Variants in PLXDC1 observed in about 807,000 individuals in gnomAD.
PLXDC1 encodes plexin domain containing 1.
In PLXDC1, 39 loss-of-function variants were observed where a neutral mutation model predicts 61.3. The ratio of observed to expected loss-of-function variants is 0.64; its 90% CI spans 0.49 to 0.83. The LOEUF (loss-of-function observed/expected upper bound fraction) is 0.83. Among genes scored for constraint, PLXDC1 ranks in the 40% least tolerant of loss-of-function variants. The pLI is 0.00. For missense variants in PLXDC1, 596 were observed against 666.5 expected (o/e 0.89, Z 1.17); for synonymous variants, 212 against 254.5 (o/e 0.83, Z 1.59).
At chr17:39,102,965 T>TTAGTAC (rs60233756) in intron 7 of PLXDC1, among the ~76,000 whole-genome samples, 3,054 of 152,186 alleles carry the variant, frequency 0.02, 90 homozygotes, top group East Asian at 0.15. Context: ...AAGAAATGCA[T>TTAGTAC]TAGTACTTTG....
chr17:39,121,121 A>T (rs753451821), intron 2 of PLXDC1, among the ~76,000 whole-genome samples: 2 of 152,112 alleles, frequency 1.3e-5, no homozygotes, highest in Non-Finnish European at 2.9e-5. Context: ...GATTACAGGC[A>T]TGAGCCACTG....
rs544032086 is a variant in PLXDC1, at chr17:39,126,413, C to A, written c.255+13241G>T. ...TTTACCATAAAGTAATTGATATAAG[C>A]AAGAGTTAAGTTCCTAGGGCATATT... On this transcript the variant is annotated intron_variant, in intron 2 of 13. Coordinates refer to ENST00000315392, the MANE Select transcript of PLXDC1 (RefSeq NM_020405.5). Among the ~76,000 whole-genome samples, 3 of 152,216 alleles carry A rather than the reference C, an allele frequency of 2.0e-5. No individual in the cohort carries two copies. In the East Asian group the frequency reaches 5.8e-4, roughly 29 times the overall value.
In PLXDC1 at chr17:39,067,504, G is replaced by T; in HGVS notation, c.*336C>A. 5.1e-6 allele frequency: 1 copy of T among 197,706 alleles called. No individual in the cohort carries two copies. The highest frequency in any genetic ancestry group is 1.5e-4 in the South Asian group (1 of 6,826). 12.2% of individuals were successfully genotyped at this position (197,706 alleles called of 1,614,324 possible). A position where few individuals can be genotyped will look rare whatever the true frequency, so the allele number is the denominator to read the frequency against. ...GTGCTCTAAAGTTATCCTAGCCTAG[G>T]TGCAGGAATAGGTAAAGGCCCCTTA... On this transcript the variant is annotated 3_prime_UTR_variant, in exon 14 of 14. Transcript: ENST00000315392.
At chr17:39,080,611 T>G (rs1431659004) in intron 9 of PLXDC1, 2 of 152,150 alleles carry the variant, frequency 1.3e-5, no homozygotes. Flanking sequence ...CCCTCCGGGT[T>G]TTTAGGGACC....
intron 1 of PLXDC1, among the ~76,000 whole-genome samples, chr17:39,143,124 C>T (rs35028130): frequency 0.022 from 3,325 of 152,176 alleles, 121 homozygotes; most frequent in African/African-American, 0.076. Flanking sequence ...GACAAAAAAG[C>T]GAAACTCCTT....
chr17:39,083,633 G>A, intron 8 of PLXDC1, 93 bp from the exon 9 acceptor site: 1 of 967,238 alleles, frequency 1.0e-6, no homozygotes, highest in Non-Finnish European at 1.6e-6. Flanking sequence ...ACAGAACTAT[G>A]GAGCCCCTGA....
At chr17:39,135,288 C>T (rs1911708367) in intron 2 of PLXDC1, among the ~76,000 whole-genome samples, 1 of 152,198 alleles carries the variant, frequency 6.6e-6, no homozygotes, top group Non-Finnish European at 1.5e-5. Context: ...TGTGTAGCTG[C>T]AGAGGGGATC....
At chr17:39,102,464 T>TA (rs1910452778) in intron 7 of PLXDC1, among the ~76,000 whole-genome samples, 1 of 151,866 alleles carries the variant, frequency 6.6e-6, no homozygotes, top group South Asian at 2.1e-4. Context: ...GAATATAGCG[T>TA]ACGGAAATAC....
intron 2 of PLXDC1, 67 bp from the exon 3 acceptor site, chr17:39,109,458 C>G: frequency 2.6e-6 from 4 of 1,519,750 alleles, no homozygotes; most frequent in Non-Finnish European, 3.6e-6. Context: ...TGACTCTCCG[C>G]CCTTCCCCAC....
intron 12 of PLXDC1, 86 bp from the exon 13 acceptor site, chr17:39,070,102 A>C: frequency 3.0e-6 from 3 of 1,010,836 alleles, no homozygotes; most frequent in Non-Finnish European, 3.0e-6. Context: ...ACAAAGTCTC[A>C]GAGATGAAAG....
chr17:39,152,517 G>C, upstream of PLXDC1: 1 of 1,236,578 alleles, frequency 8.1e-7, no homozygotes, highest in Non-Finnish European at 1.0e-6. Flanking sequence ...GTCAGGACAC[G>C]AAGATGCCTC....
At position 39,109,312 on chromosome 17, in the gene PLXDC1, G is replaced by A. The variant is rs1182526280; in HGVS notation, c.335C>T (p.Ala112Val). ...PHSRELWVDV[A>V]EANRSQVKIH... is the part of the protein sequence containing the mutation. ...CTTCACTTGGCTCCGGTTGGCCTCG[G>A]CCACATCTACCCACAGTTCCCGGCT... The change falls in exon 3 of 14, where the codon GCC (alanine) becomes GTC (valine). Residue 112 changes from alanine to valine, a missense_variant. Transcript: ENST00000315392. 3 of 1,612,040 alleles carry A rather than the reference G, an allele frequency of 1.9e-6. No individual in the cohort carries two copies. In the East Asian group the frequency reaches 6.7e-5, roughly 36 times the overall value.
At chr17:39,103,800 C>G (rs1285579778) in intron 7 of PLXDC1, among the ~76,000 whole-genome samples, 1 of 145,840 alleles carries the variant, frequency 6.9e-6, no homozygotes, top group East Asian at 2.0e-4. Context: ...GAGCCAAGAT[C>G]GTGCCACTGC....
chr17:39,140,933 T>C (rs1472431872), intron 1 of PLXDC1, among the ~76,000 whole-genome samples: 1 of 152,234 alleles, frequency 6.6e-6, no homozygotes, highest in Non-Finnish European at 1.5e-5. Context: ...ATTCCTAATG[T>C]TGTATGACCA....
At chr17:39,152,586 G>C, upstream of PLXDC1, 5 of 1,251,304 alleles carry the variant, frequency 4.0e-6, no homozygotes, top group Non-Finnish European at 5.0e-6. Flanking sequence ...GCTGGAGAGT[G>C]GGAGACGGGG....
intron 2 of PLXDC1, among the ~76,000 whole-genome samples, chr17:39,116,989 G>T (rs1021304678): frequency 6.6e-6 from 1 of 152,266 alleles, no homozygotes; most frequent in African/African-American, 2.4e-5. Context: ...CCAGGAACTG[G>T]GGATCATGGC....
At chr17:39,084,061 A>G (rs996494085) in intron 8 of PLXDC1, among the ~76,000 whole-genome samples, 1 of 152,202 alleles carries the variant, frequency 6.6e-6, no homozygotes, top group South Asian at 2.1e-4. Flanking sequence ...AAATCACTAC[A>G]GAATTAGAAC....
In PLXDC1 at chr17:39,079,185, CAG is replaced by C. The variant is rs769096041; in HGVS notation, c.990-23_990-22del. On this transcript the variant is annotated intron_variant, in intron 9 of 13. Transcript: ENST00000315392. ...AGCATCTGCAGGAGGACCAAAAGGACAGAGTTATGATGGGATTGACAAAGAAG... is the reference window on the plus strand; with the variant it reads ...AGCATCTGCAGGAGGACCAAAAGGACAGTTATGATGGGATTGACAAAGAAG... 6.8e-6 allele frequency: 11 copies of C among 1,607,450 alleles called. No individual in the cohort carries two copies. The South Asian group carries it at 1.2e-4, about 18-fold the overall frequency.
intron 11 of PLXDC1, among the ~76,000 whole-genome samples, chr17:39,075,121 A>C (rs1376183172): frequency 6.6e-6 from 1 of 152,112 alleles, no homozygotes; most frequent in Non-Finnish European, 1.5e-5. Flanking sequence ...CACCACGCCC[A>C]GCTAATTTTT....
Sources: allele counts gnomAD v4.1 joint callset (sites outside exome capture counted in the v4.1 genomes callset), GRCh38; gene constraint gnomAD v4.1.1; transcripts MANE v1.5; gene names NCBI Gene and HGNC (gene_info 2026-07-23, HGNC 2026-07-21).